The following PPFIA4 variants were observed in gnomAD, a reference collection of about 807,000 sequenced individuals.
PPFIA4 encodes PPFI scaffold protein A4, also known as liprin-alpha-4.
Under a neutral mutation model 145.7 loss-of-function variants are expected in PPFIA4, and 98 were observed. The observed-to-expected ratio is 0.67, with a 90% CI of 0.57 to 0.80. The LOEUF (loss-of-function observed/expected upper bound fraction) is 0.80, where lower values mean the gene tolerates loss of function less well. Ranked by LOEUF, PPFIA4 falls within the 30% of genes least tolerant of loss-of-function variation. The pLI is 0.00. For missense variants in PPFIA4, 1,457 were observed against 1,632.7 expected, an observed-to-expected ratio of 0.89 and a Z score of 1.85; for synonymous variants, 628 against 649.6, an observed-to-expected ratio of 0.97 and a Z score of 0.51.
chr1:203,051,603 TC>T, intron 13 of PPFIA4, 165 bp from the exon 14 acceptor site: 1 of 1,314,048 alleles, frequency 7.6e-7, no homozygotes, highest in Non-Finnish European at 1.0e-6. Context: ...ATACGTCTGC[TC>T]TCTTGCTTAC....
intron 1 of PPFIA4, among the ~76,000 whole-genome samples, chr1:203,033,321 T>G (rs1658981893): frequency 6.6e-6 from 1 of 152,194 alleles, no homozygotes; most frequent in African/African-American, 2.4e-5. Context: ...TGGAAACTCT[T>G]AAGTGGGGCT....
At chr1:203,029,453 G>A (rs551075946) in intron 1 of PPFIA4, among the ~76,000 whole-genome samples, 1 of 152,380 alleles carries the variant, frequency 6.6e-6, no homozygotes, top group African/African-American at 2.4e-5. Flanking sequence ...CAGAGACTGA[G>A]TGTTTGGTCA....
At position 203,043,485 on chromosome 1, in the gene PPFIA4, G is replaced by A. The variant is rs757786016; in HGVS notation, c.323G>A (p.Arg108Gln). The change falls in exon 3 of 30, where the codon CGG becomes CAG. Residue 108 changes from arginine (R) to glutamine (Q), a missense_variant. Physicochemically the swap from Arg to Gln is conservative, Grantham distance 43. This residue lies in a region of PPFIA4 where 463 missense variants were observed against 459.8 expected (regional missense o/e 1.01). Transcript: ENST00000295706. The surrounding 1 kb of genome is among the most constrained non-coding windows in gnomAD (Gnocchi z 4.4). ...EEEISELKAE[R>Q]NNTRLLLEHL... ...GAGATATCAGAACTGAAAGCAGAAC[G>A]GAATAACACACGGGTAAGTGGGGAT... The A allele has an allele frequency of 6.8e-5, 109 of 1,608,812 alleles. No individual in the cohort carries two copies. The highest frequency in any genetic ancestry group is 8.7e-5 in the Non-Finnish European group (103 of 1,178,020).
chr1:203,049,433 C>T (rs1243507268), intron 12 of PPFIA4, among the ~76,000 whole-genome samples: 2 of 152,196 alleles, frequency 1.3e-5, no homozygotes. Context: ...GCAGAGCCCT[C>T]CCCAGACAGA....
chr1:203,055,980 T>A lies in PPFIA4; in HGVS notation c.2071-140T>A. ...TTTTCTAGGCCAGCTTTTTTTTTTT[T>A]TTCTGGCGTGATATTCTCTCCGGGC... On this transcript the variant is annotated intron_variant, in intron 16 of 29. Coordinates refer to ENST00000295706, the MANE Select transcript of PPFIA4 (RefSeq NM_001304331.2). The surrounding 1 kb of genome is among the most constrained non-coding windows in gnomAD (Gnocchi z 4.8). 1.1e-6 allele frequency: 1 copy of A among 878,914 alleles called. No homozygotes were observed. Among genetic ancestry groups the A allele is most frequent in the Non-Finnish European group, 1.7e-6 (1 of 585,708 alleles). The allele number at this position is 878,914 out of a possible 1,614,324, so 54.4% of individuals were successfully genotyped here.
intron 2 of PPFIA4, among the ~76,000 whole-genome samples, chr1:203,040,504 C>A (rs892212410): frequency 2.0e-5 from 3 of 152,160 alleles, no homozygotes; most frequent in Non-Finnish European, 4.4e-5. Context: ...CAGGTGGGGA[C>A]CTCCTCTTTC....
Position 203,076,914 on chromosome 1 carries a change from C to G in PPFIA4, c.*524C>G, listed in dbSNP as rs1411144097. Reference sequence around the variant, plus strand: ...CATCACCACTCTCCCAACCCATCACCGTGACTGCAGTTCCTGCCCCCATTC... The same window carrying G: ...CATCACCACTCTCCCAACCCATCACGGTGACTGCAGTTCCTGCCCCCATTC... On this transcript the variant is annotated 3_prime_UTR_variant, in exon 30 of 30. Transcript: ENST00000295706. 1 of 156,200 alleles carries G rather than the reference C, an allele frequency of 6.4e-6. No individual in the cohort carries two copies. The highest frequency in any genetic ancestry group is 1.4e-5 in the Non-Finnish European group (1 of 70,316). The allele number at this position is 156,200 out of a possible 1,614,324, so 9.7% of individuals were successfully genotyped here. A position where few individuals can be genotyped will look rare whatever the true frequency, so the allele number is the denominator to read the frequency against.
At chr1:203,067,011 C>T (rs1210460810) in intron 25 of PPFIA4, among the ~76,000 whole-genome samples, 1 of 152,148 alleles carries the variant, frequency 6.6e-6, no homozygotes, top group Non-Finnish European at 1.5e-5. Context: ...GTGATAATTG[C>T]AATTTTAAAT....
chr1:203,056,197 C>A, intron 17 of PPFIA4, 42 bp downstream of exon 17: 1 of 1,613,070 alleles, frequency 6.2e-7, no homozygotes. Context: ...GGGTTCACTG[C>A]TCCCATGCCC....
chr1:203,026,749 G>T (rs7555706), intron 1 of PPFIA4, 120 bp downstream of exon 1: 2,235 of 152,490 alleles, frequency 0.015, 57 homozygotes, highest in African/African-American at 0.052. Context: ...TTTTGACTCC[G>T]TATGTGCTAC....
intron 1 of PPFIA4, among the ~76,000 whole-genome samples, chr1:203,032,430 T>TTTTTTTTGTTTTG (rs57892403): frequency 7.2e-6 from 1 of 139,382 alleles, no homozygotes; most frequent in African/African-American, 2.7e-5. Flanking sequence ...TCCCCGCTTT[T>TTTTTTTTGTTTTG]TTGTTGTTGT....
rs1306533916 is a variant in PPFIA4, at chr1:203,027,479, GC to G, written c.-400+851del. ...TGATGTCACCTTTGAGGAGAGGTGT[GC>G]TGGTAGTTTCCATCAGAGGAGCAGG... On this transcript the variant is annotated intron_variant, in intron 1 of 29. Coordinates refer to ENST00000295706, the MANE Select transcript of PPFIA4 (RefSeq NM_001304331.2). Among the ~76,000 whole-genome samples, 11 of 152,306 alleles carry G rather than the reference GC, an allele frequency of 7.2e-5. No homozygotes were observed. The East Asian group carries it at 2.1e-3, about 29-fold the overall frequency.
At position 203,049,801 on chromosome 1, in the gene PPFIA4, C is replaced by T. The variant is rs377566827; in HGVS notation, c.1511+34C>T. ...GCGCCAGAGGCTGGGCATGCCAGGA[C>T]GGGGTCCTGATGGACCGTGAGGAAG... On this transcript the variant is annotated intron_variant, in intron 13 of 29. Coordinates refer to ENST00000295706, the MANE Select transcript of PPFIA4 (RefSeq NM_001304331.2). 70 of 1,494,066 alleles carry T rather than the reference C, an allele frequency of 4.7e-5. 1 individual carries two copies. Among genetic ancestry groups the T allele is most frequent in the Admixed American group, 2.9e-4 (13 of 45,546 alleles). 92.6% of individuals were successfully genotyped at this position (1,494,066 alleles called of 1,614,324 possible). A position where few individuals can be genotyped will look rare whatever the true frequency, so the allele number is the denominator to read the frequency against.
chr1:203,038,776 C>T lies in PPFIA4; in HGVS notation c.-233C>T. 1 of 398,966 alleles carries T rather than the reference C, an allele frequency of 2.5e-6. No individual in the cohort carries two copies. Among genetic ancestry groups the T allele is most frequent in the Non-Finnish European group, 4.5e-6 (1 of 222,240 alleles). The allele number at this position is 398,966 out of a possible 1,614,324, so 24.7% of individuals were successfully genotyped here. ...GTCTGGGGACACAGGGCACCCAGCC[C>T]CAGCCCTGAGAAGTTAAGCCAGGCC... On this transcript the variant is annotated 5_prime_UTR_variant, in exon 2 of 30. Coordinates refer to ENST00000295706, the MANE Select transcript of PPFIA4 (RefSeq NM_001304331.2).
At position 203,039,096 on chromosome 1, in the gene PPFIA4, A is replaced by G. The variant is rs753603763; in HGVS notation, c.88A>G (p.Met30Val). 1.5e-5 allele frequency: 24 copies of G among 1,607,806 alleles called. No individual in the cohort carries two copies. The highest frequency in any genetic ancestry group is 3.4e-6 in the Non-Finnish European group (4 of 1,177,634). The change falls in exon 2 of 30, where the codon ATG (methionine) becomes GTG (valine). Residue 30 changes from methionine (M) to valine (V), a missense_variant. This residue lies in a region of PPFIA4 where 463 missense variants were observed against 459.8 expected (regional missense o/e 1.01). Transcript: ENST00000295706. ...ADADANFEQL[M>V]VNMLDEREKL... ...TGCTGACGCCAACTTCGAGCAGCTG[A>G]TGGTGAACATGCTGGACGAGCGGGA...
At position 203,068,596 on chromosome 1, in the gene PPFIA4, C is replaced by T. The variant is rs1451582261; in HGVS notation, c.3292C>T (p.Leu1098=). The T allele has an allele frequency of 3.2e-6, 5 of 1,575,078 alleles. No homozygotes were observed. In the South Asian group the frequency reaches 5.9e-5, roughly 19 times the overall value. Residue 1098 remains leucine (L), a synonymous_variant, in exon 27 of 30, where the codon CTG becomes TTG. Coordinates refer to ENST00000295706, the MANE Select transcript of PPFIA4 (RefSeq NM_001304331.2). The surrounding 1 kb of genome is among the most constrained non-coding windows in gnomAD (Gnocchi z 4.7). ...DENFDHNTLA[L]ILQIPTQNTQ... ...GAACTTCGACCACAACACACTGGCC[C>T]TGATCCTCCAGATCCCCACACAGAA... is the stretch of plus-strand genomic sequence containing the variant.
intron 26 of PPFIA4, 97 bp downstream of exon 26, chr1:203,067,889 A>G: frequency 9.5e-7 from 1 of 1,048,688 alleles, no homozygotes; most frequent in Non-Finnish European, 1.5e-6. Context: ...GTCTCAGGGA[A>G]TCTTCCAGTC....
At position 203,049,777 on chromosome 1, in the gene PPFIA4, C is replaced by T. The variant is rs777429466; in HGVS notation, c.1511+10C>T. 17 of 1,544,546 alleles carry T rather than the reference C, an allele frequency of 1.1e-5. No individual in the cohort carries two copies. In the Middle Eastern group the frequency reaches 6.9e-4, roughly 63 times the overall value. On this transcript the variant is annotated intron_variant, in intron 13 of 29. Transcript: ENST00000295706. ...ATGGCGTCCACTCCAGGTACTGCAG[C>T]GCCAGAGGCTGGGCATGCCAGGACG...
rs1475652799 is a variant in PPFIA4 at position 203,056,502 on chromosome 1, G to A, written c.2234G>A (p.Gly745Asp). ...LGHPALSQEE[G>D]KSALEDQGSN... is the part of the protein sequence containing the mutation. ...CACCCAGCCCTGAGCCAGGAAGAAG[G>A]CAAGAGGTAAGTAGAGCAGACCCCA... The change falls in exon 18 of 30, where the codon GGC becomes GAC. Residue 745 changes from glycine (G) to aspartate (D), a missense_variant. Physicochemically the swap from Gly to Asp is moderately conservative, Grantham distance 94. Around this residue, in one of 3 missense-constraint regions of PPFIA4, gnomAD observed 848 missense variants for 1,046.7 expected, o/e 0.81. Transcript: ENST00000295706. The A allele has an allele frequency of 1.2e-6, 2 of 1,613,626 alleles. No homozygotes were observed. The highest frequency in any genetic ancestry group is 2.2e-5 in the South Asian group (2 of 91,004).
Sources: gnomAD v4.1 joint callset for allele counts (sites outside exome capture counted in the v4.1 genomes callset) on GRCh38, gnomAD v4.1.1 for gene constraint, gnomAD v4.1.1 regional missense constraint, Gnocchi (gnomAD v3.1) non-coding constraint, MANE v1.5 for transcripts, NCBI Gene and HGNC (gene_info 2026-07-23, HGNC 2026-07-21) for gene names.